The following KCNQ1 variants were observed in gnomAD, a reference collection of about 807,000 sequenced individuals.
The protein encoded by KCNQ1 is potassium voltage-gated channel subfamily KQT member 1.
A neutral mutation model predicts 72.4 loss-of-function variants in KCNQ1; 49 were observed. The observed-to-expected ratio is 0.68, with a 90% CI of 0.54 to 0.86. The LOEUF (loss-of-function observed/expected upper bound fraction) is 0.86. KCNQ1 is among the 40% of genes least tolerant of loss of function. The pLI, the probability that KCNQ1 is intolerant of heterozygous loss-of-function variation, is 0.00. For missense variants in KCNQ1, 790 were observed against 945.1 expected (o/e 0.84, Z 2.15); for synonymous variants, 450 against 412.6 (o/e 1.09, Z -1.10).
At chr11:2,742,013 A>T (rs948381994) in intron 11 of KCNQ1, among the ~76,000 whole-genome samples, 1 of 152,220 alleles carries the variant, frequency 6.6e-6, no homozygotes, top group Non-Finnish European at 1.5e-5. Context: ...TCTCATGTAT[A>T]TGAGTCAGCG....
chr11:2,625,818 C>T (rs1849252741), intron 10 of KCNQ1: 2 of 398,496 alleles, frequency 5.0e-6, no homozygotes, highest in African/African-American at 2.1e-5. Context: ...ATCCTCCCGC[C>T]TCAGCCTCCC....
At chr11:2,699,784 C>CCGCGCCGAGGGG (rs1850759847) in intron 11 of KCNQ1, 2 of 397,470 alleles carry the variant, frequency 5.0e-6, no homozygotes, top group Admixed American at 4.4e-5. Flanking sequence ...CCGAGGAGAA[C>CCGCGCCGAGGGG]CGCGCCGAGG....
intron 15 of KCNQ1, among the ~76,000 whole-genome samples, chr11:2,831,363 T>C (rs968074564): frequency 6.6e-6 from 1 of 152,062 alleles, no homozygotes; most frequent in African/African-American, 2.4e-5. Flanking sequence ...AAATAACCCA[T>C]GAACAGGGGA....
rs1219401228 is a variant in KCNQ1 at position 2,578,786 on chromosome 11, CG to C, written c.922-4645del. On this transcript the variant is annotated intron_variant, in intron 6 of 15. Coordinates refer to ENST00000155840, the MANE Select transcript of KCNQ1 (RefSeq NM_000218.3). ...CTGGGCTCTCGAGGCTGGGCAAGGT[CG>C]GGGCCTGCAATGGCTGAAGCAGCCT... Among the ~76,000 whole-genome samples, 3 of 152,356 alleles carry C rather than the reference CG, an allele frequency of 2.0e-5. No individual in the cohort carries two copies. In the East Asian group the frequency reaches 5.8e-4, roughly 29 times the overall value.
At position 2,498,866 on chromosome 11, in the gene KCNQ1, G is replaced by GCATA. The variant is rs1846962682; in HGVS notation, c.387-29061_387-29058dup. 2.0e-5 allele frequency among the ~76,000 whole-genome samples: 3 copies of GCATA among 152,244 alleles called. No homozygotes were observed. The highest frequency in any genetic ancestry group is 6.5e-5 in the Admixed American group (1 of 15,292). ...GCAGATTGCAAAACCCATGGGAAAA[G>GCATA]CATAGTATCCAGGCCGGGTATCACA... On this transcript the variant is annotated intron_variant, in intron 1 of 15. Coordinates refer to ENST00000155840, the MANE Select transcript of KCNQ1 (RefSeq NM_000218.3). This position sits in a 1 kb window ranked among gnomAD's most constrained non-coding sequence, Gnocchi z 4.8.
At position 2,592,199 on chromosome 11, in the gene KCNQ1, C is replaced by T. The variant is rs112797699; in HGVS notation, c.1393+3345C>T. ...AGCTCGTGCTCTAGCTGGTGCTGTG[C>T]GGTGTTGGCCCCATTTATAGATGGA... On this transcript the variant is annotated intron_variant, in intron 10 of 15. Transcript: ENST00000155840. This position sits in a 1 kb window ranked among gnomAD's most constrained non-coding sequence, Gnocchi z 5.2. 0.014 allele frequency among the ~76,000 whole-genome samples: 2,195 copies of T among 152,314 alleles called. 36 individuals are homozygous for T. The highest frequency in any genetic ancestry group is 0.045 in the South Asian group (217 of 4,832).
At position 2,495,552 on chromosome 11, in the gene KCNQ1, G is replaced by A. The variant is rs1412094494; in HGVS notation, c.387-32376G>A. The stretch of plus-strand genomic sequence containing the variant: ...GTACGTTGTCTCTTTGTTTTCATTT[G>A]TTTCAAAGAATTTCTTTATTTCTGC... On this transcript the variant is annotated intron_variant, in intron 1 of 15. Transcript: ENST00000155840. The surrounding 1 kb of genome is among the most constrained non-coding windows in gnomAD (Gnocchi z 4.6). 6.6e-6 allele frequency among the ~76,000 whole-genome samples: 1 copy of A among 152,094 alleles called. No homozygotes were observed. The highest frequency in any genetic ancestry group is 1.5e-5 in the Non-Finnish European group (1 of 68,006).
Position 2,663,810 on chromosome 11 carries a change from A to G in KCNQ1, c.1514+1729A>G, listed in dbSNP as rs1035512878. On this transcript the variant is annotated intron_variant, in intron 11 of 15. Transcript: ENST00000155840. The surrounding 1 kb of genome is among the most constrained non-coding windows in gnomAD (Gnocchi z 5.2). ...CCAGTAAATCACCACTATGGGGGTG[A>G]GGGCTGCCAGTGCTGGTATCAGCAC... is the stretch of plus-strand genomic sequence containing the variant. The G allele has an allele frequency of 1.3e-5, 5 of 398,556 alleles. No homozygotes were observed. The highest frequency in any genetic ancestry group is 2.2e-5 in the Non-Finnish European group (5 of 226,108). 24.7% of individuals were successfully genotyped at this position (398,556 alleles called of 1,614,324 possible). A position where few individuals can be genotyped will look rare whatever the true frequency, so the allele number is the denominator to read the frequency against.
In KCNQ1 at chr11:2,698,172, G is replaced by A. The variant is rs1315459106; in HGVS notation, c.1514+36091G>A. On this transcript the variant is annotated intron_variant, in intron 11 of 15. Transcript: ENST00000155840. The surrounding 1 kb of genome is among the most constrained non-coding windows in gnomAD (Gnocchi z 5.1). Reference sequence around the variant, plus strand: ...CAGAGTTCCTCGTTGGGAGCTTTTGGTCTAGCAAAAGGGGCACCACAGTAA... The same window carrying A: ...CAGAGTTCCTCGTTGGGAGCTTTTGATCTAGCAAAAGGGGCACCACAGTAA... The A allele has an allele frequency of 7.5e-6, 3 of 398,630 alleles. No individual in the cohort carries two copies. Among genetic ancestry groups the A allele is most frequent in the East Asian group, 3.6e-5 (1 of 28,080 alleles). The allele number at this position is 398,630 out of a possible 1,614,324, so 24.7% of individuals were successfully genotyped here.
intron 2 of KCNQ1, among the ~76,000 whole-genome samples, chr11:2,532,819 G>C (rs954960651): frequency 6.6e-6 from 1 of 152,200 alleles, no homozygotes; most frequent in Admixed American, 6.5e-5. Context: ...GAGTGAGGAC[G>C]GCTGTTGGGT....
intron 15 of KCNQ1, among the ~76,000 whole-genome samples, chr11:2,821,716 C>T (rs1235303578): frequency 6.6e-6 from 1 of 152,142 alleles, no homozygotes; most frequent in Admixed American, 6.5e-5. Flanking sequence ...TCCCTGTGCC[C>T]ATGACATCTC....
intron 15 of KCNQ1, among the ~76,000 whole-genome samples, chr11:2,823,273 G>T (rs1847775214): frequency 6.6e-6 from 1 of 152,164 alleles, no homozygotes; most frequent in South Asian, 2.1e-4. Flanking sequence ...TATGAAGAGA[G>T]ATGCCTTCAA....
intron 1 of KCNQ1, among the ~76,000 whole-genome samples, chr11:2,467,747 T>C (rs918835803): frequency 3.1e-4 from 47 of 152,160 alleles, no homozygotes; most frequent in African/African-American, 1.1e-3. Context: ...GGCGTGCGTC[T>C]TGCAATGGGG....
intron 10 of KCNQ1, chr11:2,644,602 T>C (rs1351350259): frequency 2.5e-6 from 1 of 398,490 alleles, no homozygotes; most frequent in East Asian, 3.6e-5. Context: ...CCTTAGGAGT[T>C]GTCATGTTTT....
At chr11:2,535,429 G>A (rs1399848683) in intron 2 of KCNQ1, among the ~76,000 whole-genome samples, 1 of 152,218 alleles carries the variant, frequency 6.6e-6, no homozygotes, top group Admixed American at 6.5e-5. Context: ...TCCACCAAGC[G>A]GAACTTGAAG....
At chr11:2,520,055 C>A (rs1453640461) in intron 1 of KCNQ1, among the ~76,000 whole-genome samples, 2 of 152,258 alleles carry the variant, frequency 1.3e-5, no homozygotes, top group African/African-American at 4.8e-5. Flanking sequence ...CCCCACCCCC[C>A]AGGATGACGT....
Position 2,824,323 on chromosome 11 carries a change from G to A in KCNQ1, c.1795-23444G>A, listed in dbSNP as rs1055066682. The stretch of plus-strand genomic sequence containing the variant: ...GTGGAAAGAAGACAGATACGAGAGG[G>A]GATTTGGAGACACAATCCCCAGACT... On this transcript the variant is annotated intron_variant, in intron 15 of 15. Transcript: ENST00000155840. The surrounding 1 kb of genome is among the most constrained non-coding windows in gnomAD (Gnocchi z 5.9). 1.3e-5 allele frequency among the ~76,000 whole-genome samples: 2 copies of A among 152,080 alleles called. No homozygotes were observed. The highest frequency in any genetic ancestry group is 2.9e-5 in the Non-Finnish European group (2 of 68,020).
rs998681985 is a variant in KCNQ1, at chr11:2,626,649, T to C, written c.1394-35312T>C. 2.3e-5 allele frequency: 9 copies of C among 398,428 alleles called. No individual in the cohort carries two copies. Among genetic ancestry groups the C allele is most frequent in the Non-Finnish European group, 4.4e-6 (1 of 226,070 alleles). The allele number at this position is 398,428 out of a possible 1,614,324, so 24.7% of individuals were successfully genotyped here. On this transcript the variant is annotated intron_variant, in intron 10 of 15. Coordinates refer to ENST00000155840, the MANE Select transcript of KCNQ1 (RefSeq NM_000218.3). This position sits in a 1 kb window ranked among gnomAD's most constrained non-coding sequence, Gnocchi z 4.0. ...GCTCAAGCAATCCTCCCACCTCGGC[T>C]TCTTGAGTAGCTGGGAATAGAAGTG...
chr11:2,778,077 T>A (rs748528295), intron 15 of KCNQ1, 40 bp downstream of exon 15: 1 of 1,595,662 alleles, frequency 6.3e-7, no homozygotes. Context: ...CTGGTTAGCG[T>A]CCTGGGGCCA....
Sources: allele counts gnomAD v4.1 joint callset (sites outside exome capture counted in the v4.1 genomes callset), GRCh38; gene constraint gnomAD v4.1.1; non-coding constraint Gnocchi (gnomAD v3.1); transcripts MANE v1.5; gene names NCBI Gene and HGNC (gene_info 2026-07-23, HGNC 2026-07-21).